Variants in THEMIS observed in about 807,000 individuals in gnomAD.
The protein encoded by THEMIS is protein THEMIS.
Under a neutral mutation model 52.6 loss-of-function variants are expected in THEMIS, and 37 were observed. The observed-to-expected ratio is 0.70, with a 90% CI of 0.54 to 0.93. The LOEUF (loss-of-function observed/expected upper bound fraction) is 0.93, where lower values mean the gene tolerates loss of function less well. THEMIS is among the 40% of genes least tolerant of loss of function. The pLI is 0.00. For missense variants in THEMIS, 808 were observed against 763.1 expected, an observed-to-expected ratio of 1.06 and a Z score of -0.69; for synonymous variants, 292 against 272.7, an observed-to-expected ratio of 1.07 and a Z score of -0.70.
chr6:127,775,434 A>G (rs1776533530), intron 4 of THEMIS, among the ~76,000 whole-genome samples: 1 of 152,172 alleles, frequency 6.6e-6, no homozygotes, highest in African/African-American at 2.4e-5. Context: ...AGGGCCAAAG[A>G]GTCTTGTCCT....
chr6:127,703,272 C>A (rs906930551), downstream of THEMIS, among the ~76,000 whole-genome samples: 5 of 151,922 alleles, frequency 3.3e-5, no homozygotes, highest in Non-Finnish European at 7.4e-5. Context: ...TGGTCTCGAT[C>A]TCCTGACCTC....
intron 1 of THEMIS, among the ~76,000 whole-genome samples, chr6:127,910,555 T>C (rs1380844684): frequency 6.6e-6 from 1 of 152,158 alleles, no homozygotes; most frequent in Admixed American, 6.6e-5. Flanking sequence ...ACTATCACCA[T>C]GCCTTAGGGA....
upstream of THEMIS, among the ~76,000 whole-genome samples, chr6:127,901,873 G>A (rs550274834): frequency 6.6e-6 from 1 of 152,066 alleles, no homozygotes; most frequent in East Asian, 1.9e-4. Flanking sequence ...ATTTAGGAGG[G>A]GAAATGATCA....
Position 127,813,184 on chromosome 6 carries a change from G to A in THEMIS, c.1457C>T (p.Thr486Ile), listed in dbSNP as rs771829856. 5 of 1,613,978 alleles carry A rather than the reference G, an allele frequency of 3.1e-6. No individual in the cohort carries two copies. Among genetic ancestry groups the A allele is most frequent in the Middle Eastern group, 1.6e-4 (1 of 6,082 alleles). The change falls in exon 4 of 6, where the codon ACA (threonine) becomes ATA (isoleucine). Residue 486 changes from threonine to isoleucine, a missense_variant. Coordinates refer to ENST00000368248, the MANE Select transcript of THEMIS (RefSeq NM_001010923.3). ...GTCACTTATGAGTAGGTAAGAGTCT[G>A]TAATGTCCTCCTCCAACTGCAGTCC... Reference protein sequence around the residue: ...TPGLQLEEDITDSYLLISDFA... With the variant: ...TPGLQLEEDIIDSYLLISDFA...
At chr6:127,783,833 C>T (rs1409900321) in intron 4 of THEMIS, among the ~76,000 whole-genome samples, 2 of 152,190 alleles carry the variant, frequency 1.3e-5, no homozygotes, top group Non-Finnish European at 2.9e-5. Flanking sequence ...TGTGGCGATT[C>T]CTCAAGGATC....
intron 4 of THEMIS, among the ~76,000 whole-genome samples, chr6:127,757,314 T>C (rs1179334177): frequency 6.6e-6 from 1 of 152,190 alleles, no homozygotes; most frequent in Non-Finnish European, 1.5e-5. Context: ...TAGACAAAAA[T>C]GTACTAAAAA....
At chr6:127,721,943 G>A (rs1194099835) in intron 4 of THEMIS, among the ~76,000 whole-genome samples, 2 of 151,962 alleles carry the variant, frequency 1.3e-5, no homozygotes, top group Non-Finnish European at 2.9e-5. Flanking sequence ...TGCAAGTTGT[G>A]TATATTCTAA....
intron 4 of THEMIS, among the ~76,000 whole-genome samples, chr6:127,775,791 T>C (rs966697632): frequency 6.6e-6 from 1 of 152,254 alleles, no homozygotes; most frequent in East Asian, 1.9e-4. Flanking sequence ...GAGTCATTTA[T>C]GCTTTTTTGT....
chr6:127,888,289 G>A (rs1418559741), intron 1 of THEMIS, among the ~76,000 whole-genome samples: 1 of 151,982 alleles, frequency 6.6e-6, no homozygotes, highest in Admixed American at 6.6e-5. Context: ...TTTTAACAGA[G>A]GAGTGACATA....
At chr6:127,772,674 A>C (rs958210834) in intron 4 of THEMIS, among the ~76,000 whole-genome samples, 6 of 152,106 alleles carry the variant, frequency 3.9e-5, no homozygotes, top group Non-Finnish European at 8.8e-5. Context: ...CTACACACTC[A>C]ACCTATTTAG....
At chr6:127,701,174 C>T in the THEMIS span, among the ~76,000 whole-genome samples, 1 of 152,102 alleles carries the variant, frequency 6.6e-6, no homozygotes, top group Non-Finnish European at 1.5e-5. Context: ...ATAACCAAAT[C>T]AAATGCAAAC....
At chr6:127,819,518 C>T (rs1395630363) in intron 3 of THEMIS, among the ~76,000 whole-genome samples, 1 of 152,004 alleles carries the variant, frequency 6.6e-6, no homozygotes, top group African/African-American at 2.4e-5. Context: ...AAATCAAAGA[C>T]AAAGCAAAAA....
chr6:127,882,430 A>G (rs1444338580), intron 1 of THEMIS, among the ~76,000 whole-genome samples: 3 of 151,938 alleles, frequency 2.0e-5, no homozygotes, highest in Non-Finnish European at 2.9e-5. Flanking sequence ...GTTTCAGGAT[A>G]TAATAAATTT....
chr6:127,834,508 T>C (rs994034612), intron 2 of THEMIS, among the ~76,000 whole-genome samples: 4 of 150,762 alleles, frequency 2.7e-5, no homozygotes, highest in Admixed American at 1.3e-4. Context: ...CGCTTGAACC[T>C]AGGAGATGAA....
At position 127,829,900 on chromosome 6, in the gene THEMIS, G is replaced by A; in HGVS notation, c.285C>T (p.Tyr95=). The A allele has an allele frequency of 1.2e-6, 2 of 1,612,660 alleles. No homozygotes were observed. The highest frequency in any genetic ancestry group is 8.5e-7 in the Non-Finnish European group (1 of 1,179,366). ...TCCTTGTGATTTCTTCCATAGTAAG[G>A]TATGGAGTTTTATCAGCCACAATCT... ...LFKIVADKTP[Y]LTMEEITRTI... is the part of the protein sequence containing the mutation. The change falls in exon 3 of 6, where the codon TAC becomes TAT. Residue 95 remains tyrosine, a synonymous_variant. Transcript: ENST00000368248.
intron 1 of THEMIS, among the ~76,000 whole-genome samples, chr6:127,908,146 CCCATGTAAGTTTCTTT>C (rs1187607376): frequency 2.0e-5 from 3 of 152,034 alleles, no homozygotes; most frequent in South Asian, 4.1e-4. Context: ...CATGTTTCTT[CCCATGTAAGTTTCTTT>C]TTTGATCATC....
intron 2 of THEMIS, among the ~76,000 whole-genome samples, chr6:127,842,707 G>A (rs1779089882): frequency 6.6e-6 from 1 of 151,834 alleles, no homozygotes; most frequent in Non-Finnish European, 1.5e-5. Context: ...TCACCTCAAA[G>A]GAATTATTTT....
chr6:127,717,587 GTGAGGTTTTACCGTACTCT>G (rs1437034780), intron 5 of THEMIS, among the ~76,000 whole-genome samples: 1 of 151,872 alleles, frequency 6.6e-6, no homozygotes, highest in African/African-American at 2.4e-5. Context: ...CTGATCCTGA[GTGAGGTTTTACCGTACTCT>G]TGGCTGGAAT....
intron 1 of THEMIS, among the ~76,000 whole-genome samples, chr6:127,881,310 T>C (rs1243281949): frequency 6.6e-6 from 1 of 152,074 alleles, no homozygotes; most frequent in Non-Finnish European, 1.5e-5. Context: ...CCAATTAATA[T>C]CTTTAACCAA....
Sources: allele counts gnomAD v4.1 joint callset (sites outside exome capture counted in the v4.1 genomes callset), GRCh38; gene constraint gnomAD v4.1.1; transcripts MANE v1.5; gene names NCBI Gene and HGNC (gene_info 2026-07-23, HGNC 2026-07-21).